Variants in MAML2 observed in about 807,000 individuals in gnomAD.
MAML2 encodes the protein mastermind-like protein 2.
Under a neutral mutation model 96.1 loss-of-function variants are expected in MAML2, and 22 were observed. The ratio of observed to expected loss-of-function variants is 0.23; its 90% CI spans 0.16 to 0.33. MAML2 has a LOEUF of 0.33. MAML2 is among the 10% of genes least tolerant of loss of function. The probability of loss-of-function intolerance (pLI) is 1.00; values close to 1 mark genes in which losing one functional copy is unlikely to be tolerated. For synonymous variants in MAML2, 561 were observed against 521.3 expected (o/e 1.08, Z -1.04); for missense variants, 1,367 against 1,392.4 (o/e 0.98, Z 0.29).
chr11:96,217,692 T>C (rs1213736315), intron 1 of MAML2, among the ~76,000 whole-genome samples: 2 of 152,250 alleles, frequency 1.3e-5, no homozygotes, highest in South Asian at 2.1e-4. Context: ...TACCTGAGAA[T>C]ACATTACCCT....
intron 1 of MAML2, among the ~76,000 whole-genome samples, chr11:96,277,507 T>G (rs1418405114): frequency 6.1e-4 from 92 of 152,020 alleles, no homozygotes; most frequent in Non-Finnish European, 2.6e-4. Context: ...TCCCAGCTCT[T>G]TGGGAGGGCC....
chr11:96,270,531 G>A (rs555255669), intron 1 of MAML2, among the ~76,000 whole-genome samples: 209 of 152,114 alleles, frequency 1.4e-3, no homozygotes, highest in African/African-American at 4.7e-3. Context: ...GGCTGGTCTC[G>A]AACTCCTGAC....
chr11:96,086,353 T>C (rs1326646735), intron 2 of MAML2, among the ~76,000 whole-genome samples: 3 of 152,152 alleles, frequency 2.0e-5, no homozygotes, highest in African/African-American at 7.2e-5. Context: ...TTTGAATGGA[T>C]GATGTTAAAG....
intron 2 of MAML2, among the ~76,000 whole-genome samples, chr11:96,089,481 T>C (rs997606218): frequency 6.6e-6 from 1 of 152,148 alleles, no homozygotes; most frequent in Non-Finnish European, 1.5e-5. Flanking sequence ...TTTGCAAAAA[T>C]TGCCCTGATA....
chr11:96,225,484 G>A (rs1591082415), intron 1 of MAML2, among the ~76,000 whole-genome samples: 1 of 152,168 alleles, frequency 6.6e-6, no homozygotes, highest in East Asian at 1.9e-4. Context: ...CTGACTCTTA[G>A]AAAGCATATG....
intron 1 of MAML2, among the ~76,000 whole-genome samples, chr11:96,298,012 C>A (rs575757514): frequency 1.3e-5 from 2 of 152,136 alleles, no homozygotes; most frequent in South Asian, 4.2e-4. Context: ...GCACCTACCC[C>A]CCTTGCTAAC....
chr11:95,984,777 C>T (rs942850505), intron 4 of MAML2, among the ~76,000 whole-genome samples: 13 of 152,112 alleles, frequency 8.5e-5, no homozygotes, highest in African/African-American at 3.1e-4. Flanking sequence ...ACAGGTAAGG[C>T]AGAGAGAACT....
intron 1 of MAML2, among the ~76,000 whole-genome samples, chr11:96,098,321 G>A (rs1859866355): frequency 6.6e-6 from 1 of 152,216 alleles, no homozygotes; most frequent in Non-Finnish European, 1.5e-5. Flanking sequence ...TCCCTGGCAT[G>A]AGGGAAAATA....
chr11:96,151,873 G>T lies in MAML2; in HGVS notation c.514-58356C>A, dbSNP rs149405515. 3.1e-3 allele frequency among the ~76,000 whole-genome samples: 479 copies of T among 152,236 alleles called. 2 individuals carry two copies. Among genetic ancestry groups the T allele is most frequent in the Middle Eastern group, 0.01 (3 of 294 alleles). On this transcript the variant is annotated intron_variant, in intron 1 of 4. Coordinates refer to ENST00000524717, the MANE Select transcript of MAML2 (RefSeq NM_032427.4). The stretch of plus-strand genomic sequence containing the variant: ...CAGTGAGAGACTAATACAGCCCTTA[G>T]GATTTTAGTTCATAGGTGATCAATA...
intron 1 of MAML2, among the ~76,000 whole-genome samples, chr11:96,230,474 G>A (rs1383506663): frequency 6.6e-6 from 1 of 152,156 alleles, no homozygotes; most frequent in Non-Finnish European, 1.5e-5. Context: ...CAGCTGAAAT[G>A]TTAGAAGAAC....
chr11:96,277,503 C>G (rs2135983676), intron 1 of MAML2, among the ~76,000 whole-genome samples: 1 of 152,168 alleles, frequency 6.6e-6, no homozygotes, highest in South Asian at 2.1e-4. Flanking sequence ...GTAATCCCAG[C>G]TCTTTGGGAG....
chr11:96,276,242 C>T (rs544156318), intron 1 of MAML2, among the ~76,000 whole-genome samples: 66 of 152,264 alleles, frequency 4.3e-4, no homozygotes, highest in African/African-American at 1.5e-3. Context: ...TTTCCTTTTT[C>T]TCCTTCAAAT....
chr11:96,013,411 C>T (rs1242545366), intron 2 of MAML2, among the ~76,000 whole-genome samples: 1 of 152,144 alleles, frequency 6.6e-6, no homozygotes, highest in Non-Finnish European at 1.5e-5. Flanking sequence ...TGATACAGGA[C>T]TGCTAGGAAG....
chr11:96,141,075 C>A (rs933924017), intron 1 of MAML2, among the ~76,000 whole-genome samples: 1 of 152,084 alleles, frequency 6.6e-6, no homozygotes, highest in Non-Finnish European at 1.5e-5. Flanking sequence ...TTGACCATAT[C>A]TTTATTGTTA....
chr11:96,101,947 C>G (rs1859938652), intron 1 of MAML2, among the ~76,000 whole-genome samples: 1 of 152,192 alleles, frequency 6.6e-6, no homozygotes, highest in South Asian at 2.1e-4. Flanking sequence ...AACCATGTAG[C>G]TAAAGCTCAA....
chr11:96,198,526 C>T (rs1158279731), intron 1 of MAML2, among the ~76,000 whole-genome samples: 1 of 152,046 alleles, frequency 6.6e-6, no homozygotes, highest in Non-Finnish European at 1.5e-5. Flanking sequence ...ATGGAGGGTC[C>T]CAGTCCTCAC....
chr11:96,228,906 A>T (rs1862251759), intron 1 of MAML2, among the ~76,000 whole-genome samples: 1 of 152,098 alleles, frequency 6.6e-6, no homozygotes, highest in Admixed American at 6.5e-5. Flanking sequence ...GTCTCTTGTA[A>T]AGTTATCTTT....
chr11:96,047,963 A>G (rs763554981), intron 2 of MAML2, among the ~76,000 whole-genome samples: 2 of 151,928 alleles, frequency 1.3e-5, no homozygotes, highest in Non-Finnish European at 2.9e-5. Flanking sequence ...AGAAAAAACA[A>G]CAAAAAACAA....
chr11:96,149,432 A>AAAAAAAG lies in MAML2; in HGVS notation c.514-55916_514-55915insCTTTTTT, dbSNP rs59453325. Among the ~76,000 whole-genome samples, 2 of 112,588 alleles carry AAAAAAAG rather than the reference A, an allele frequency of 1.8e-5. 1 individual carries two copies. 73.9% of individuals were successfully genotyped at this position (112,588 alleles called of 152,430 possible). On this transcript the variant is annotated intron_variant, in intron 1 of 4. Transcript: ENST00000524717. Reference sequence around the variant, plus strand: ...ACTCCGTCACAAAAAAAAAAAAAAAATGAGAAGTTAAGTTTTCAGCCAGGC... The same window carrying AAAAAAAG: ...ACTCCGTCACAAAAAAAAAAAAAAAAAAAAAAGTGAGAAGTTAAGTTTTCAGCCAGGC...
Sources: allele counts gnomAD v4.1 joint callset (sites outside exome capture counted in the v4.1 genomes callset), GRCh38; gene constraint gnomAD v4.1.1; transcripts MANE v1.5; gene names NCBI Gene and HGNC (gene_info 2026-07-23, HGNC 2026-07-21).